The following CADM2 variants were observed in gnomAD, a reference collection of about 807,000 sequenced individuals.
CADM2 encodes the protein cell adhesion molecule 2, also known as immunoglobulin superfamily member 4D.
A neutral mutation model predicts 49.8 loss-of-function variants in CADM2; 12 were observed. That is an observed-to-expected ratio of 0.24 (90% CI 0.15 to 0.39). The LOEUF is 0.39. Among genes scored for constraint, CADM2 ranks in the 10% least tolerant of loss-of-function variants. CADM2 has a pLI of 1.00. For synonymous variants in CADM2, 214 were observed against 175.4 expected, an observed-to-expected ratio of 1.22 and a Z score of -1.74; for missense variants, 378 against 492.3, an observed-to-expected ratio of 0.77 and a Z score of 2.20.
At chr3:85,734,978 A>ATG (rs142565193) in intron 2 of CADM2, among the ~76,000 whole-genome samples, 26,729 of 148,180 alleles carry the variant, frequency 0.18, 2,910 homozygotes, top group Non-Finnish European at 0.24. Flanking sequence ...AAATATATAT[A>ATG]TGTGTGTGTG....
chr3:86,008,685 A>G (rs1731090205), intron 8 of CADM2, among the ~76,000 whole-genome samples: 1 of 152,058 alleles, frequency 6.6e-6, no homozygotes, highest in Non-Finnish European at 1.5e-5. Flanking sequence ...TTAAAAGGCA[A>G]AATGAACTAT....
intron 1 of CADM2, among the ~76,000 whole-genome samples, chr3:85,687,015 G>A (rs2066237928): frequency 6.6e-6 from 1 of 152,106 alleles, no homozygotes. Context: ...TGTGTCACGG[G>A]TGTGCATCCT....
At chr3:86,050,962 T>C (rs527918975) in intron 8 of CADM2, among the ~76,000 whole-genome samples, 1 of 152,336 alleles carries the variant, frequency 6.6e-6, no homozygotes, top group East Asian at 1.9e-4. Context: ...TTTTTACTTA[T>C]GCAAATTTCT....
At chr3:85,656,354 C>A (rs574144566) in intron 1 of CADM2, among the ~76,000 whole-genome samples, 5 of 152,016 alleles carry the variant, frequency 3.3e-5, no homozygotes, top group Non-Finnish European at 5.9e-5. Flanking sequence ...CAGTGGCTCA[C>A]GCCTGTAATC....
chr3:85,855,617 A>ATAT lies in CADM2; in HGVS notation c.239-27674_239-27673insTAT, dbSNP rs374763892. Among the ~76,000 whole-genome samples the ATAT allele has an allele frequency of 8.1e-3, 345 of 42,418 alleles. 12 individuals are homozygous for ATAT. The highest frequency in any genetic ancestry group is 0.01 in the Admixed American group (38 of 3,798). The allele number at this position is 42,418 out of a possible 152,430, so 27.8% of individuals were successfully genotyped here. On this transcript the variant is annotated intron_variant, in intron 3 of 9. Transcript: ENST00000383699. ...ATATATAAAACATATATATATATAT[A>ATAT]AAACATATATATATATATATATATT...
chr3:85,844,939 C>T (rs771343623), intron 3 of CADM2, among the ~76,000 whole-genome samples: 6 of 151,260 alleles, frequency 4.0e-5, no homozygotes, highest in South Asian at 4.2e-4. Context: ...TACGTTAAAG[C>T]GAGGAGTTTG....
intron 2 of CADM2, among the ~76,000 whole-genome samples, chr3:85,738,202 A>G (rs1031601074): frequency 1.3e-5 from 2 of 152,186 alleles, no homozygotes; most frequent in African/African-American, 4.8e-5. Flanking sequence ...GTGATAGCAA[A>G]TTCAAATGGA....
chr3:84,971,090 A>G (rs557815079), intron 1 of CADM2, among the ~76,000 whole-genome samples: 1 of 152,240 alleles, frequency 6.6e-6, no homozygotes, highest in South Asian at 2.1e-4. Flanking sequence ...CATATTTTCA[A>G]GACTTTTAGT....
chr3:85,830,797 T>TTTTTTTTA (rs1553693897), intron 3 of CADM2, among the ~76,000 whole-genome samples: 6 of 142,100 alleles, frequency 4.2e-5, no homozygotes, highest in South Asian at 2.3e-4. Context: ...TCTTTGTGCA[T>TTTTTTTTA]TTTATTTATT....
At chr3:85,107,982 G>GT (rs1287386434) in intron 1 of CADM2, among the ~76,000 whole-genome samples, 2 of 152,000 alleles carry the variant, frequency 1.3e-5, no homozygotes, top group Non-Finnish European at 2.9e-5. Flanking sequence ...GATAACAGGT[G>GT]TGAGCCTGTT....
intron 1 of CADM2, among the ~76,000 whole-genome samples, chr3:85,116,945 C>A (rs1426837670): frequency 6.6e-6 from 1 of 152,024 alleles, no homozygotes; most frequent in Non-Finnish European, 1.5e-5. Context: ...CATGTAATCC[C>A]AGGAATTTGG....
At chr3:85,263,130 T>A (rs145482809) in intron 1 of CADM2, among the ~76,000 whole-genome samples, 261 of 152,078 alleles carry the variant, frequency 1.7e-3, no homozygotes, top group African/African-American at 5.9e-3. Flanking sequence ...ATAGCTGGGA[T>A]TACAGGCACA....
intron 8 of CADM2, among the ~76,000 whole-genome samples, chr3:85,972,251 T>A (rs1354423530): frequency 6.6e-6 from 1 of 151,712 alleles, no homozygotes; most frequent in Non-Finnish European, 1.5e-5. Context: ...CTCTTACAAT[T>A]GTTTCCAATG....
intron 6 of CADM2, among the ~76,000 whole-genome samples, chr3:85,926,862 A>C (rs2108516652): frequency 6.6e-6 from 1 of 152,314 alleles, no homozygotes; most frequent in South Asian, 2.1e-4. Flanking sequence ...CCAGATAGAG[A>C]AAGAGTTAAT....
At chr3:85,050,728 C>A (rs1386655957) in intron 1 of CADM2, among the ~76,000 whole-genome samples, 1 of 152,110 alleles carries the variant, frequency 6.6e-6, no homozygotes, top group African/African-American at 2.4e-5. Flanking sequence ...ATATCTGCAC[C>A]TAATTCTATA....
At chr3:85,984,165 T>C (rs1163328961) in intron 8 of CADM2, among the ~76,000 whole-genome samples, 1 of 150,312 alleles carries the variant, frequency 6.7e-6, no homozygotes, top group South Asian at 2.1e-4. Context: ...TGTGTACATA[T>C]ATGTGCACAT....
intron 1 of CADM2, among the ~76,000 whole-genome samples, chr3:85,407,174 C>A (rs2035423533): frequency 1.3e-5 from 2 of 152,078 alleles, no homozygotes; most frequent in African/African-American, 4.8e-5. Flanking sequence ...TGCACTCCAG[C>A]CTTGGTGACA....
chr3:85,460,385 A>C (rs1423381634), intron 1 of CADM2, among the ~76,000 whole-genome samples: 3 of 152,274 alleles, frequency 2.0e-5, no homozygotes, highest in Admixed American at 1.3e-4. Context: ...ATAAATTAAT[A>C]ATTGATTTTG....
At chr3:85,507,126 A>G (rs897766712) in intron 1 of CADM2, among the ~76,000 whole-genome samples, 2 of 152,218 alleles carry the variant, frequency 1.3e-5, no homozygotes, top group African/African-American at 4.8e-5. Flanking sequence ...TTCTGTGAAA[A>G]AGAATCCATA....
Sources: gnomAD v4.1 joint callset for allele counts (sites outside exome capture counted in the v4.1 genomes callset) on GRCh38, gnomAD v4.1.1 for gene constraint, MANE v1.5 for transcripts, NCBI Gene and HGNC (gene_info 2026-07-23, HGNC 2026-07-21) for gene names.